The following KBTBD8 variants were observed in gnomAD, a reference collection of about 807,000 sequenced individuals.
KBTBD8 encodes kelch repeat and BTB domain-containing protein 8.
Under a neutral mutation model 53.5 loss-of-function variants are expected in KBTBD8, and 31 were observed. The observed-to-expected ratio is 0.58, with a 90% CI of 0.44 to 0.78. KBTBD8 has a LOEUF of 0.78. Ranked by LOEUF, KBTBD8 falls within the 30% of genes least tolerant of loss-of-function variation. KBTBD8 has a pLI of 0.00. For missense variants in KBTBD8, 642 were observed against 735.8 expected, an observed-to-expected ratio of 0.87 and a Z score of 1.48; for synonymous variants, 250 against 247.3, an observed-to-expected ratio of 1.01 and a Z score of -0.10.
chr3:67,008,059 C>T lies in KBTBD8; in HGVS notation c.1480C>T (p.Gln494Ter). 6.2e-7 allele frequency: 1 copy of T among 1,614,004 alleles called. No homozygotes were observed. The highest frequency in any genetic ancestry group is 8.5e-7 in the Non-Finnish European group (1 of 1,179,956). The change falls in exon 4 of 4, where the codon CAA becomes TAA. Residue 494 changes from glutamine to a stop codon, truncating the protein, a stop_gained. Coordinates refer to ENST00000417314, the MANE Select transcript of KBTBD8 (RefSeq NM_032505.3). LOFTEE classifies it high-confidence loss of function. ...YYIAGTCGNH[Q>*]RMFTVEAYDI... ...CATAGCTGGAACCTGTGGAAATCAT[C>T]AACGTATGTTTACTGTAGAAGCCTA...
Position 67,009,721 on chromosome 3 carries a change from T to C in KBTBD8, c.*1336T>C, listed in dbSNP as rs1460919140. On this transcript the variant is annotated 3_prime_UTR_variant, in exon 4 of 4. Coordinates refer to ENST00000417314, the MANE Select transcript of KBTBD8 (RefSeq NM_032505.3). The stretch of plus-strand genomic sequence containing the variant: ...CAGTTAGGAATATTAACATGAAGGA[T>C]AAACCAACTTATTTGTATACCTAAG... 1 of 152,590 alleles carries C rather than the reference T, an allele frequency of 6.6e-6. No individual in the cohort carries two copies. The highest frequency in any genetic ancestry group is 1.5e-5 in the Non-Finnish European group (1 of 68,010). The allele number at this position is 152,590 out of a possible 1,614,324, so 9.5% of individuals were successfully genotyped here.
chr3:67,007,317 G>C (rs1050040489), intron 3 of KBTBD8, among the ~76,000 whole-genome samples: 2 of 133,494 alleles, frequency 1.5e-5, no homozygotes. Context: ...AATCAAGTTT[G>C]TGTTTTTTTT....
In KBTBD8 at chr3:67,008,753, T is replaced by C; in HGVS notation, c.*368T>C. On this transcript the variant is annotated 3_prime_UTR_variant, in exon 4 of 4. Transcript: ENST00000417314. ...CGTCTAAACTTGTTTGATGTGACTT[T>C]TAATTTTAAATACGGGTAACAATCT... 5.4e-6 allele frequency: 1 copy of C among 185,486 alleles called. No individual in the cohort carries two copies. Among genetic ancestry groups the C allele is most frequent in the Admixed American group, 5.3e-5 (1 of 18,778 alleles). 11.5% of individuals were successfully genotyped at this position (185,486 alleles called of 1,614,324 possible).
chr3:67,009,066 GA>G lies in KBTBD8; in HGVS notation c.*685del, dbSNP rs1229891743. 1 of 152,606 alleles carries G rather than the reference GA, an allele frequency of 6.6e-6. No homozygotes were observed. Among genetic ancestry groups the G allele is most frequent in the Non-Finnish European group, 1.5e-5 (1 of 68,046 alleles). The allele number at this position is 152,606 out of a possible 1,614,324, so 9.5% of individuals were successfully genotyped here. ...CAAGTGCTAACACTGTCTCTTTTGT[GA>G]AAATCTGGAAAAGTGCTCATATTCA... On this transcript the variant is annotated 3_prime_UTR_variant, in exon 4 of 4. Transcript: ENST00000417314.
intron 2 of KBTBD8, 49 bp downstream of exon 2, chr3:66,999,240 TC>T (rs1400075395): frequency 1.5e-6 from 2 of 1,378,900 alleles, no homozygotes; most frequent in Non-Finnish European, 2.1e-6. Flanking sequence ...AAGCTCCCTT[TC>T]CCCCTCAGTA....
Position 66,999,065 on chromosome 3 carries a change from G to A in KBTBD8, c.101G>A (p.Ser34Asn). The change falls in exon 2 of 4, where the codon AGT becomes AAT. Residue 34 changes from serine (S) to asparagine (N), a missense_variant. By Grantham distance (46) the Ser-to-Asn change is conservative (BLOSUM62 1). Coordinates refer to ENST00000417314, the MANE Select transcript of KBTBD8 (RefSeq NM_032505.3). ...SDAMDPFHAC[S>N]ILKQLKTMYD... ...GCCATGGACCCCTTCCATGCTTGCA[G>A]TATTCTTAAGCAACTCAAAACAATG... The A allele has an allele frequency of 1.9e-6, 3 of 1,614,194 alleles. No individual in the cohort carries two copies. The highest frequency in any genetic ancestry group is 1.7e-6 in the Non-Finnish European group (2 of 1,180,018).
At chr3:67,005,620 C>A (rs902542273) in intron 3 of KBTBD8, among the ~76,000 whole-genome samples, 1 of 151,922 alleles carries the variant, frequency 6.6e-6, no homozygotes, top group Admixed American at 6.6e-5. Flanking sequence ...CCATTGTTTT[C>A]TTTCTTTCTT....
chr3:67,007,916 T>C lies in KBTBD8; in HGVS notation c.1343-6T>C, dbSNP rs745467412. 2 of 1,474,464 alleles carry C rather than the reference T, an allele frequency of 1.4e-6. No homozygotes were observed. The highest frequency in any genetic ancestry group is 2.3e-5 in the East Asian group (1 of 43,774). The allele number at this position is 1,474,464 out of a possible 1,614,324, so 91.3% of individuals were successfully genotyped here. On this transcript the variant is annotated splice_region_variant and splice_polypyrimidine_tract_variant and intron_variant, in intron 3 of 3. Coordinates refer to ENST00000417314, the MANE Select transcript of KBTBD8 (RefSeq NM_032505.3). Reference sequence around the variant, plus strand: ...CATATTCTTGTTTTCTTTTTTTTTTTTTTAGGAGAATTTTTTCTCTTCTAT... The same window carrying C: ...CATATTCTTGTTTTCTTTTTTTTTTCTTTAGGAGAATTTTTTCTCTTCTAT...
intron 3 of KBTBD8, among the ~76,000 whole-genome samples, chr3:67,007,320 T>TG (rs1702076726): frequency 1.7e-5 from 1 of 58,010 alleles, no homozygotes; most frequent in African/African-American, 7.3e-5. Context: ...CAAGTTTGTG[T>TG]TTTTTTTTTT....
At chr3:66,998,426 CG>C in intron 1 of KBTBD8, 55 bp downstream of exon 1, 6 of 349,500 alleles carry the variant, frequency 1.7e-5, no homozygotes, top group Non-Finnish European at 2.7e-5. Flanking sequence ...GAAGGTGGGC[CG>C]GGGCCGGCCA....
chr3:67,002,188 C>G (rs2106756466), intron 2 of KBTBD8, among the ~76,000 whole-genome samples: 1 of 152,150 alleles, frequency 6.6e-6, no homozygotes, highest in South Asian at 2.1e-4. Flanking sequence ...TTATTTATGT[C>G]TAGATTTAGG....
intron 2 of KBTBD8, 45 bp downstream of exon 2, chr3:66,999,236 C>A: frequency 7.0e-7 from 1 of 1,419,000 alleles, no homozygotes; most frequent in South Asian, 1.1e-5. Flanking sequence ...CACCAAGCTC[C>A]CTTTCCCCCT....
rs1171533927 is a variant in KBTBD8, at chr3:66,998,956, A to G, written c.17-25A>G. 5.2e-6 allele frequency: 8 copies of G among 1,537,800 alleles called. No individual in the cohort carries two copies. In the African/African-American group the frequency reaches 8.2e-5, roughly 16 times the overall value. The stretch of plus-strand genomic sequence containing the variant: ...CCGTAACTGGCTCGGCACTTCTTGT[A>G]GTTGTACGATTTTTCTCCTCCTAGA... On this transcript the variant is annotated intron_variant, in intron 1 of 3. Transcript: ENST00000417314.
At chr3:67,005,467 T>C (rs1438202798) in intron 3 of KBTBD8, among the ~76,000 whole-genome samples, 1 of 152,200 alleles carries the variant, frequency 6.6e-6, no homozygotes, top group East Asian at 1.9e-4. Flanking sequence ...TGTACAGTTT[T>C]GTAGCCTAGG....
intron 2 of KBTBD8, among the ~76,000 whole-genome samples, chr3:67,001,170 A>T (rs375392977): frequency 6.6e-6 from 1 of 152,206 alleles, no homozygotes; most frequent in South Asian, 2.1e-4. Flanking sequence ...ATATTTGGCT[A>T]GAAACCTCAA....
rs777563445 is a variant in KBTBD8 at position 67,003,303 on chromosome 3, A to G, written c.336A>G (p.Arg112=). ...DLVLNYAYTS[R]VILTEANVQA... ...TGTTGAACTATGCCTACACTTCCAGAGTTATTCTTACAGAGGCCAATGTTC... is the reference window on the plus strand; with the variant it reads ...TGTTGAACTATGCCTACACTTCCAGGGTTATTCTTACAGAGGCCAATGTTC... The change falls in exon 3 of 4, where the codon AGA becomes AGG. Residue 112 remains arginine (R), a synonymous_variant. Coordinates refer to ENST00000417314, the MANE Select transcript of KBTBD8 (RefSeq NM_032505.3). 6.2e-7 allele frequency: 1 copy of G among 1,614,206 alleles called. No individual in the cohort carries two copies. The highest frequency in any genetic ancestry group is 8.5e-7 in the Non-Finnish European group (1 of 1,180,042).
chr3:67,004,459 G>A, intron 3 of KBTBD8, 150 bp downstream of exon 3: 1 of 682,772 alleles, frequency 1.5e-6, no homozygotes, highest in South Asian at 2.6e-5. Flanking sequence ...TCTGTAAAGA[G>A]CTATAAAGAA....
In KBTBD8 at chr3:67,002,512, C is replaced by CTTTTTTTTT. The variant is rs57174511; in HGVS notation, c.228-669_228-661dup. 4.5e-4 allele frequency among the ~76,000 whole-genome samples: 41 copies of CTTTTTTTTT among 90,368 alleles called. 1 individual carries two copies. The highest frequency in any genetic ancestry group is 6.8e-4 in the East Asian group (2 of 2,938). 59.3% of individuals were successfully genotyped at this position (90,368 alleles called of 152,430 possible). On this transcript the variant is annotated intron_variant, in intron 2 of 3. Coordinates refer to ENST00000417314, the MANE Select transcript of KBTBD8 (RefSeq NM_032505.3). Reference sequence around the variant, plus strand: ...TCATGTTGATACCTTTATAGGTATTCTTTTTTTTTTTTTTTTTTTTTTGAG... The same window carrying CTTTTTTTTT: ...TCATGTTGATACCTTTATAGGTATTCTTTTTTTTTTTTTTTTTTTTTTTTTTTTTTTGAG...
rs370307241 is a variant in KBTBD8 at position 67,004,258 on chromosome 3, A to G, written c.1291A>G (p.Met431Val). The change falls in exon 3 of 4, where the codon ATG (methionine) becomes GTG (valine). Residue 431 changes from methionine (M) to valine (V), a missense_variant. By Grantham distance (21) the Met-to-Val change is conservative. Transcript: ENST00000417314. ...GACTGTTTGCGCGATGCCAGTTGCA[A>G]TGGAATTTCATAATGCTGTGGAGTA... ...WTTVCAMPVA[M>V]EFHNAVEYKE... 6.8e-6 allele frequency: 11 copies of G among 1,614,100 alleles called. No individual in the cohort carries two copies. The African/African-American group carries it at 1.3e-4, about 20-fold the overall frequency.
Sources: allele counts gnomAD v4.1 joint callset (sites outside exome capture counted in the v4.1 genomes callset), GRCh38; gene constraint gnomAD v4.1.1; transcripts MANE v1.5; gene names NCBI Gene and HGNC (gene_info 2026-07-23, HGNC 2026-07-21).